CTNNBL1: variants seen among roughly 807,000 people sequenced by gnomAD.
The protein encoded by CTNNBL1 is beta-catenin-like protein 1.
CTNNBL1 carries 31 observed loss-of-function variants against 72.7 expected under a neutral mutation model. The ratio of observed to expected loss-of-function variants is 0.43; its 90% CI spans 0.32 to 0.58. CTNNBL1 has a LOEUF of 0.58. Among genes scored for constraint, CTNNBL1 ranks in the 20% least tolerant of loss-of-function variants. The pLI is 0.08. For missense variants in CTNNBL1, 534 were observed against 725.1 expected (o/e 0.74, Z 3.03); for synonymous variants, 240 against 267.3 (o/e 0.90, Z 1.00).
At chr20:37,790,581 G>A (rs1165983654) in intron 10 of CTNNBL1, among the ~76,000 whole-genome samples, 1 of 152,040 alleles carries the variant, frequency 6.6e-6, no homozygotes, top group East Asian at 1.9e-4. Context: ...TGTTCTCTAG[G>A]AACCAGAAAA....
intron 7 of CTNNBL1, among the ~76,000 whole-genome samples, chr20:37,768,883 A>T (rs548870079): frequency 6.6e-6 from 1 of 152,138 alleles, no homozygotes; most frequent in East Asian, 1.9e-4. Flanking sequence ...GGTTAAGGTG[A>T]TTCTCCTGCC....
chr20:37,780,832 G>A (rs1471940448), intron 10 of CTNNBL1, among the ~76,000 whole-genome samples: 1 of 152,090 alleles, frequency 6.6e-6, no homozygotes, highest in Non-Finnish European at 1.5e-5. Context: ...TGTTATAACG[G>A]TGTTATTTGA....
At chr20:37,867,562 A>ATT (rs1295870864) in intron 15 of CTNNBL1, among the ~76,000 whole-genome samples, 1 of 152,192 alleles carries the variant, frequency 6.6e-6, no homozygotes, top group Non-Finnish European at 1.5e-5. Context: ...GCATTTGAAA[A>ATT]TGTGGGGGAA....
chr20:37,825,850 AT>A (rs951772167), intron 11 of CTNNBL1, among the ~76,000 whole-genome samples: 6 of 151,980 alleles, frequency 3.9e-5, no homozygotes, highest in African/African-American at 1.5e-4. Context: ...CAGAATTAGC[AT>A]TTTTCCTCAG....
intron 5 of CTNNBL1, among the ~76,000 whole-genome samples, chr20:37,760,150 C>G (rs1183544220): frequency 6.6e-6 from 1 of 152,228 alleles, no homozygotes; most frequent in African/African-American, 2.4e-5. Flanking sequence ...ACAAGTTGAT[C>G]TGGTAGCCTG....
intron 13 of CTNNBL1, among the ~76,000 whole-genome samples, chr20:37,851,804 T>G (rs2072399511): frequency 6.6e-6 from 1 of 152,366 alleles, no homozygotes; most frequent in African/African-American, 2.4e-5. Flanking sequence ...TAGTAAGGAC[T>G]CGAGAAATTT....
At chr20:37,864,402 C>T (rs572420190) in intron 15 of CTNNBL1, among the ~76,000 whole-genome samples, 4 of 152,230 alleles carry the variant, frequency 2.6e-5, no homozygotes, top group African/African-American at 9.6e-5. Context: ...AGGATGACAG[C>T]TGATGTATCC....
At chr20:37,765,012 T>TA (rs2073452909) in intron 5 of CTNNBL1, among the ~76,000 whole-genome samples, 185 bp from the exon 6 acceptor site, 1 of 152,214 alleles carries the variant, frequency 6.6e-6, no homozygotes, top group Non-Finnish European at 1.5e-5. Flanking sequence ...GCCTTTTACT[T>TA]ACCTCAGGGT....
intron 1 of CTNNBL1, among the ~76,000 whole-genome samples, chr20:37,697,850 C>T (rs545335373): frequency 1.4e-4 from 21 of 152,304 alleles, no homozygotes; most frequent in East Asian, 1.9e-4. Flanking sequence ...GAATAAAAAA[C>T]GTGTCCAGAT....
At chr20:37,717,143 C>CTT (rs2072992833) in intron 1 of CTNNBL1, among the ~76,000 whole-genome samples, 2 of 149,632 alleles carry the variant, frequency 1.3e-5, no homozygotes, top group Admixed American at 6.6e-5. Context: ...AGTATACACT[C>CTT]TTTTCCCCCA....
chr20:37,839,281 C>T (rs1418760139), intron 11 of CTNNBL1, among the ~76,000 whole-genome samples: 2 of 152,186 alleles, frequency 1.3e-5, no homozygotes, highest in South Asian at 2.1e-4. Flanking sequence ...GGAAGATGCT[C>T]ATCAGTTTTC....
At chr20:37,801,357 G>T (rs1421280377) in intron 10 of CTNNBL1, among the ~76,000 whole-genome samples, 1 of 151,780 alleles carries the variant, frequency 6.6e-6, no homozygotes, top group Non-Finnish European at 1.5e-5. Context: ...TGGTTTGGTT[G>T]GTTTATTTAC....
At chr20:37,851,136 C>A (rs1251674531) in intron 13 of CTNNBL1, among the ~76,000 whole-genome samples, 1 of 152,178 alleles carries the variant, frequency 6.6e-6, no homozygotes, top group Non-Finnish European at 1.5e-5. Context: ...CTACACATAC[C>A]ACCTCCTTGT....
At chr20:37,717,234 A>G (rs2122568956) in intron 1 of CTNNBL1, among the ~76,000 whole-genome samples, 1 of 152,356 alleles carries the variant, frequency 6.6e-6, no homozygotes, top group Middle Eastern at 3.4e-3. Context: ...TAGAAAAAAT[A>G]ATTAAATATT....
intron 13 of CTNNBL1, among the ~76,000 whole-genome samples, chr20:37,848,965 T>TAA (rs1363399183): frequency 3.3e-5 from 5 of 152,196 alleles, no homozygotes; most frequent in African/African-American, 9.7e-5. Context: ...TAGCCCTGTA[T>TAA]AATCTCTTCC....
intron 11 of CTNNBL1, among the ~76,000 whole-genome samples, chr20:37,824,637 G>A (rs1283385065): frequency 6.6e-6 from 1 of 152,218 alleles, no homozygotes; most frequent in East Asian, 1.9e-4. Context: ...GTAAAAACAA[G>A]TCCAGAGGTC....
At chr20:37,701,068 A>C (rs2072837516) in intron 1 of CTNNBL1, among the ~76,000 whole-genome samples, 1 of 152,220 alleles carries the variant, frequency 6.6e-6, no homozygotes, top group Admixed American at 6.5e-5. Flanking sequence ...AATTCAATCA[A>C]TATTTTTCTG....
intron 10 of CTNNBL1, among the ~76,000 whole-genome samples, chr20:37,787,011 G>C (rs1038586554): frequency 4.0e-5 from 6 of 151,432 alleles, no homozygotes; most frequent in African/African-American, 1.5e-4. Context: ...AATCAACTTT[G>C]TAAACATATT....
chr20:37,753,815 T>C (rs2073340951), intron 4 of CTNNBL1, among the ~76,000 whole-genome samples: 1 of 152,188 alleles, frequency 6.6e-6, no homozygotes, highest in South Asian at 2.1e-4. Flanking sequence ...GTTTTACAGA[T>C]GAGGAAATTA....
Sources: allele counts gnomAD v4.1 joint callset (sites outside exome capture counted in the v4.1 genomes callset), GRCh38; gene constraint gnomAD v4.1.1; transcripts MANE v1.5; gene names NCBI Gene and HGNC (gene_info 2026-07-23, HGNC 2026-07-21).